The following DYM variants were observed in gnomAD, a reference collection of about 807,000 sequenced individuals.
DYM encodes dymeclin, also known as dyggve-Melchior-Clausen syndrome protein.
DYM carries 78 observed loss-of-function variants against 93.1 expected under a neutral mutation model. The ratio of observed to expected loss-of-function variants is 0.84; its 90% confidence interval spans 0.70 to 1.01. The LOEUF (loss-of-function observed/expected upper bound fraction) is 1.01. DYM is among the 50% of genes least tolerant of loss of function. The pLI is 0.00. For synonymous variants in DYM, 321 were observed against 319.7 expected, an observed-to-expected ratio of 1.00 and a Z score of -0.04; for missense variants, 789 against 845.0, an observed-to-expected ratio of 0.93 and a Z score of 0.82.
intron 13 of DYM, among the ~76,000 whole-genome samples, chr18:49,238,252 C>T (rs1246265943): frequency 6.6e-6 from 1 of 151,952 alleles, no homozygotes; most frequent in Non-Finnish European, 1.5e-5. Context: ...CTGCAATTTT[C>T]TTATTAGACT....
At chr18:49,228,090 T>A (rs1012947101) in intron 13 of DYM, among the ~76,000 whole-genome samples, 3 of 152,168 alleles carry the variant, frequency 2.0e-5, no homozygotes, top group Non-Finnish European at 2.9e-5. Flanking sequence ...AATCATAGAA[T>A]CTTTGAGGGC....
chr18:49,162,429 CTCAAG>C lies in DYM; in HGVS notation c.1728+1251_1728+1255del, dbSNP rs754110610. Among the ~76,000 whole-genome samples the C allele has an allele frequency of 3.0e-4, 45 of 152,158 alleles. 1 individual carries two copies. Among genetic ancestry groups the C allele is most frequent in the Non-Finnish European group, 4.7e-4 (32 of 68,024 alleles). On this transcript the variant is annotated intron_variant, in intron 15 of 17. Coordinates refer to ENST00000675505, the MANE Select transcript of DYM (RefSeq NM_001353214.3). The stretch of plus-strand genomic sequence containing the variant: ...CACACAGTGCATGCTAACATGCTAG[CTCAAG>C]TCTCTCTTCCTCTTCTTATAAAGCT...
intron 5 of DYM, among the ~76,000 whole-genome samples, chr18:49,364,957 G>A (rs749142158): frequency 1.3e-5 from 2 of 152,076 alleles, no homozygotes; most frequent in South Asian, 2.1e-4. Flanking sequence ...TGCCTCTTGC[G>A]TTGCATATGT....
chr18:49,157,922 G>C (rs2086639934), intron 15 of DYM, among the ~76,000 whole-genome samples: 1 of 152,150 alleles, frequency 6.6e-6, no homozygotes. Flanking sequence ...TCCATTTTGA[G>C]TTAATTCTTG....
chr18:49,273,785 A>G (rs894573615), intron 10 of DYM, among the ~76,000 whole-genome samples: 2 of 150,354 alleles, frequency 1.3e-5, no homozygotes, highest in African/African-American at 4.9e-5. Context: ...GCCTCCCCAC[A>G]TTAAGCAACA....
chr18:49,377,167 A>G (rs1012158606), intron 5 of DYM, among the ~76,000 whole-genome samples: 2 of 152,264 alleles, frequency 1.3e-5, no homozygotes, highest in African/African-American at 2.4e-5. Context: ...CAGAATTTCC[A>G]TAAGATTTTT....
chr18:49,332,314 C>A (rs1477420010), intron 7 of DYM, among the ~76,000 whole-genome samples: 2 of 152,158 alleles, frequency 1.3e-5, no homozygotes, highest in Non-Finnish European at 2.9e-5. Context: ...GTTGCCCAGG[C>A]TGGTCTCAAA....
At chr18:49,262,844 TA>T (rs11362000) in intron 11 of DYM, among the ~76,000 whole-genome samples, 113,361 of 152,000 alleles carry the variant, frequency 0.75, 43,076 homozygotes, top group Admixed American at 0.81. Context: ...GGCTACATTT[TA>T]AAAAAAATCC....
At chr18:49,272,334 C>A (rs1402778869) in intron 10 of DYM, 31 bp from the exon 11 acceptor site, 1 of 1,311,840 alleles carries the variant, frequency 7.6e-7, no homozygotes, top group East Asian at 2.3e-5. Context: ...TTGACTATTT[C>A]AATACTTCAT....
chr18:49,203,349 G>A (rs2092253535), intron 14 of DYM, among the ~76,000 whole-genome samples: 3 of 112,958 alleles, frequency 2.7e-5, no homozygotes, highest in Admixed American at 1.8e-4. Flanking sequence ...CCGTCTGGGA[G>A]GTGTGCCCAA....
At chr18:49,335,785 T>G (rs1394253694) in intron 6 of DYM, among the ~76,000 whole-genome samples, 3 of 151,682 alleles carry the variant, frequency 2.0e-5, no homozygotes, top group Non-Finnish European at 4.4e-5. Flanking sequence ...GATGACTATG[T>G]CCAATACATT....
At chr18:49,127,890 G>A (rs115340392) in intron 15 of DYM, among the ~76,000 whole-genome samples, 1 of 152,196 alleles carries the variant, frequency 6.6e-6, no homozygotes, top group African/African-American at 2.4e-5. Context: ...AGCAGTGGGA[G>A]GGGGAGGCGG....
At chr18:49,248,649 A>G (rs770800782) in intron 13 of DYM, among the ~76,000 whole-genome samples, 1 of 152,306 alleles carries the variant, frequency 6.6e-6, no homozygotes, top group East Asian at 1.9e-4. Context: ...AAAACCAACT[A>G]TAACACTTAA....
At chr18:49,414,676 G>A (rs1052854638) in intron 2 of DYM, among the ~76,000 whole-genome samples, 19 of 152,066 alleles carry the variant, frequency 1.2e-4, no homozygotes, top group African/African-American at 4.3e-4. Context: ...AACATGCATG[G>A]CTCACTCCCT....
At chr18:49,057,362 C>T (rs557271919) in intron 17 of DYM, among the ~76,000 whole-genome samples, 29 of 152,324 alleles carry the variant, frequency 1.9e-4, no homozygotes, top group East Asian at 7.7e-4. Context: ...CCAGGTCTCT[C>T]GTGGACACTG....
Position 49,411,066 on chromosome 18 carries a change from G to A in DYM, c.140+19189C>T, listed in dbSNP as rs968627924. ...CCCTGAGAAGTTGACCGAGGAAATG[G>A]GAGTATCCTCACTTTACAAGTGACA... On this transcript the variant is annotated intron_variant, in intron 2 of 17. Coordinates refer to ENST00000675505, the MANE Select transcript of DYM (RefSeq NM_001353214.3). 2.0e-5 allele frequency among the ~76,000 whole-genome samples: 3 copies of A among 152,094 alleles called. No homozygotes were observed. In the South Asian group the frequency reaches 6.2e-4, roughly 32 times the overall value.
intron 13 of DYM, among the ~76,000 whole-genome samples, chr18:49,212,928 G>A (rs1409405163): frequency 6.6e-6 from 1 of 152,220 alleles, no homozygotes; most frequent in Non-Finnish European, 1.5e-5. Flanking sequence ...TTACAGCTTG[G>A]GACATCAGAA....
intron 8 of DYM, among the ~76,000 whole-genome samples, chr18:49,287,149 T>C (rs1285964251): frequency 3.3e-5 from 5 of 151,860 alleles, no homozygotes; most frequent in Non-Finnish European, 7.4e-5. Flanking sequence ...ATCATGCCAC[T>C]CCACTCCAGG....
chr18:49,427,944 A>T (rs1312896919), intron 2 of DYM, among the ~76,000 whole-genome samples: 1 of 152,072 alleles, frequency 6.6e-6, no homozygotes, highest in African/African-American at 2.4e-5. Flanking sequence ...TTTAAAAAGC[A>T]GCCAGGCATG....
Sources: allele counts gnomAD v4.1 joint callset (sites outside exome capture counted in the v4.1 genomes callset), GRCh38; gene constraint gnomAD v4.1.1; transcripts MANE v1.5; gene names NCBI Gene and HGNC (gene_info 2026-07-23, HGNC 2026-07-21).